The following STARD3NL variants were observed in gnomAD, a reference collection of about 807,000 sequenced individuals.
The protein encoded by STARD3NL is STARD3 N-terminal-like protein.
A neutral mutation model predicts 30.9 loss-of-function variants in STARD3NL; 17 were observed. The observed-to-expected ratio is 0.55, with a 90% confidence interval of 0.38 to 0.82. The LOEUF is 0.82. Ranked by LOEUF, STARD3NL falls within the 40% of genes least tolerant of loss-of-function variation. STARD3NL has a pLI of 0.00. For missense variants in STARD3NL, 234 were observed against 277.6 expected (o/e 0.84, Z 1.12); for synonymous variants, 112 against 100.5 (o/e 1.11, Z -0.69).
chr7:38,194,916 A>C (rs1784838442), intron 1 of STARD3NL, among the ~76,000 whole-genome samples: 4 of 152,232 alleles, frequency 2.6e-5, no homozygotes, highest in Admixed American at 2.6e-4. Context: ...AAATAGGCTA[A>C]AAAAGTAAAT....
chr7:38,206,958 A>T lies in STARD3NL; in HGVS notation c.-58-489A>T, dbSNP rs77027693. Among the ~76,000 whole-genome samples the T allele has an allele frequency of 2.3e-3, 354 of 152,266 alleles. 3 individuals carry two copies. Among genetic ancestry groups the T allele is most frequent in the African/African-American group, 8.2e-3 (339 of 41,564 alleles). ...GATTTTTCTTTTTTCTTTTTTGTAC[A>T]GACAGGACCTTGCTATATTGCCCAG... On this transcript the variant is annotated intron_variant, in intron 1 of 8. Coordinates refer to ENST00000009041, the MANE Select transcript of STARD3NL (RefSeq NM_032016.4).
chr7:38,179,163 C>T (rs1205727662), intron 1 of STARD3NL: 1 of 152,214 alleles, frequency 6.6e-6, no homozygotes, highest in South Asian at 2.1e-4. Flanking sequence ...AGTAACGGGT[C>T]TAATTAAATC....
At chr7:38,204,966 A>G (rs1341190205) in intron 1 of STARD3NL, among the ~76,000 whole-genome samples, 1 of 152,172 alleles carries the variant, frequency 6.6e-6, no homozygotes, top group African/African-American at 2.4e-5. Flanking sequence ...TAGACCAATA[A>G]CAGACTCTGA....
intron 4 of STARD3NL, chr7:38,216,804 CCA>C: frequency 3.6e-6 from 2 of 548,172 alleles, no homozygotes; most frequent in East Asian, 5.8e-5. Context: ...GGAGAATAAA[CCA>C]CACACAGTCA....
intron 1 of STARD3NL, among the ~76,000 whole-genome samples, chr7:38,197,210 T>G (rs1784964015): frequency 7.5e-6 from 1 of 133,216 alleles, no homozygotes. Flanking sequence ...CTCTCTCTCT[T>G]TCCCTCTCTC....
intron 1 of STARD3NL, among the ~76,000 whole-genome samples, chr7:38,192,322 G>A (rs1784721613): frequency 6.6e-6 from 1 of 152,116 alleles, no homozygotes; most frequent in South Asian, 2.1e-4. Flanking sequence ...TAAATGGAAG[G>A]CAAAAGTATG....
intron 2 of STARD3NL, among the ~76,000 whole-genome samples, chr7:38,211,698 A>G (rs1447354632): frequency 1.3e-5 from 2 of 152,196 alleles, no homozygotes; most frequent in African/African-American, 4.8e-5. Flanking sequence ...CTCACAGTCT[A>G]CATCACAGCC....
chr7:38,201,367 A>G (rs112739097), intron 1 of STARD3NL, among the ~76,000 whole-genome samples: 56 of 152,274 alleles, frequency 3.7e-4, no homozygotes, highest in African/African-American at 1.3e-3. Flanking sequence ...TTATTTTGAA[A>G]TATATTTCAC....
intron 7 of STARD3NL, among the ~76,000 whole-genome samples, chr7:38,223,664 G>C (rs1223880614): frequency 6.6e-6 from 1 of 152,000 alleles, no homozygotes; most frequent in Non-Finnish European, 1.5e-5. Context: ...CAGTGTTCTT[G>C]TTTAGATGAT....
chr7:38,198,640 A>T (rs1266206337), intron 1 of STARD3NL, among the ~76,000 whole-genome samples: 2 of 152,212 alleles, frequency 1.3e-5, no homozygotes, highest in Non-Finnish European at 2.9e-5. Context: ...TGCTGCCATA[A>T]GTAGTGCTGA....
At chr7:38,186,041 A>G (rs1784444686) in intron 1 of STARD3NL, among the ~76,000 whole-genome samples, 1 of 152,220 alleles carries the variant, frequency 6.6e-6, no homozygotes, top group African/African-American at 2.4e-5. Flanking sequence ...CCTCATATGC[A>G]TTGGAAAATA....
Position 38,230,603 on chromosome 7 carries a change from T to G in STARD3NL, c.*698T>G, listed in dbSNP as rs1268043490. The G allele has an allele frequency of 2.0e-5, 3 of 152,248 alleles. No homozygotes were observed. The East Asian group carries it at 5.8e-4, about 29-fold the overall frequency. The allele number at this position is 152,248 out of a possible 1,614,324, so 9.4% of individuals were successfully genotyped here. ...ATACTCTTATTTTGAATGCACAAAA[T>G]GACTTAAACCATTCATATCATGTTT... is the stretch of plus-strand genomic sequence containing the variant. On this transcript the variant is annotated 3_prime_UTR_variant, in exon 9 of 9. Coordinates refer to ENST00000009041, the MANE Select transcript of STARD3NL (RefSeq NM_032016.4).
At position 38,180,679 on chromosome 7, in the gene STARD3NL, C is replaced by T. The variant is rs542059075; in HGVS notation, c.-59+2259C>T. 2.6e-5 allele frequency among the ~76,000 whole-genome samples: 4 copies of T among 152,320 alleles called. No homozygotes were observed. The South Asian group carries it at 6.2e-4, about 24-fold the overall frequency. On this transcript the variant is annotated intron_variant, in intron 1 of 8. Coordinates refer to ENST00000009041, the MANE Select transcript of STARD3NL (RefSeq NM_032016.4). ...ATTTGAACTCCCATTAGGTTTACTT[C>T]AAAGCCTAATTCATTCTACCCCACC... is the stretch of plus-strand genomic sequence containing the variant.
intron 1 of STARD3NL, among the ~76,000 whole-genome samples, chr7:38,203,567 C>T (rs376517070): frequency 6.6e-6 from 1 of 152,168 alleles, no homozygotes; most frequent in Non-Finnish European, 1.5e-5. Context: ...GAAACTGCAT[C>T]AACTAACGAG....
intron 1 of STARD3NL, among the ~76,000 whole-genome samples, chr7:38,188,409 A>G (rs542692200): frequency 6.6e-6 from 1 of 152,282 alleles, no homozygotes; most frequent in South Asian, 2.1e-4. Context: ...CGTTGCTCAG[A>G]TGCTGCCTCA....
At chr7:38,214,806 C>T (rs533644836) in intron 3 of STARD3NL, among the ~76,000 whole-genome samples, 78 of 151,892 alleles carry the variant, frequency 5.1e-4, no homozygotes, top group South Asian at 4.2e-4. Flanking sequence ...TTTTTTCTTG[C>T]CTTGTTTTTT....
chr7:38,178,931 C>T (rs531123751), intron 1 of STARD3NL, among the ~76,000 whole-genome samples: 1 of 151,690 alleles, frequency 6.6e-6, no homozygotes, highest in Non-Finnish European at 1.5e-5. Context: ...TTAACTGCTT[C>T]ACCTACTCGT....
chr7:38,207,240 T>C (rs1339457136), intron 1 of STARD3NL, among the ~76,000 whole-genome samples: 3 of 152,240 alleles, frequency 2.0e-5, no homozygotes, highest in Non-Finnish European at 4.4e-5. Flanking sequence ...CTTGCCATTC[T>C]TTGCTAAAAC....
intron 1 of STARD3NL, among the ~76,000 whole-genome samples, chr7:38,193,444 G>A (rs527549645): frequency 3.3e-5 from 5 of 152,040 alleles, no homozygotes; most frequent in South Asian, 2.1e-4. Flanking sequence ...GACTACAGGC[G>A]CCCACCACCA....
Sources: gnomAD v4.1 joint callset for allele counts (sites outside exome capture counted in the v4.1 genomes callset) on GRCh38, gnomAD v4.1.1 for gene constraint, MANE v1.5 for transcripts, NCBI Gene and HGNC (gene_info 2026-07-23, HGNC 2026-07-21) for gene names.